Variants in NLGN1 observed in about 807,000 individuals in gnomAD.
The protein encoded by NLGN1 is neuroligin 1.
Under a neutral mutation model 65.5 loss-of-function variants are expected in NLGN1, and 12 were observed. That is an observed-to-expected ratio of 0.18 (90% CI 0.12 to 0.30). The LOEUF is 0.30. Ranked by LOEUF, NLGN1 falls within the 10% of genes least tolerant of loss-of-function variation. NLGN1 has a pLI of 1.00. For missense variants in NLGN1, 750 were observed against 1,007.1 expected, an observed-to-expected ratio of 0.74 and a Z score of 3.46; for synonymous variants, 350 against 359.5, an observed-to-expected ratio of 0.97 and a Z score of 0.30.
At chr3:173,670,617 G>T (rs547250979) in intron 3 of NLGN1, among the ~76,000 whole-genome samples, 2 of 152,156 alleles carry the variant, frequency 1.3e-5, no homozygotes, top group East Asian at 3.9e-4. Context: ...CAGTACTGAA[G>T]GTATACTTTT....
At chr3:173,579,587 T>C (rs1299313049) in intron 2 of NLGN1, among the ~76,000 whole-genome samples, 2 of 152,246 alleles carry the variant, frequency 1.3e-5, no homozygotes, top group Non-Finnish European at 2.9e-5. Context: ...ATATTTAGCA[T>C]CCAGGCAGGT....
intron 4 of NLGN1, among the ~76,000 whole-genome samples, chr3:174,234,892 T>C (rs1219045979): frequency 6.6e-6 from 1 of 151,790 alleles, no homozygotes; most frequent in African/African-American, 2.4e-5. Flanking sequence ...ATCCTCTTTT[T>C]CCAACATTTT....
intron 4 of NLGN1, among the ~76,000 whole-genome samples, chr3:173,901,914 C>T (rs1286569181): frequency 6.6e-6 from 1 of 152,076 alleles, no homozygotes; most frequent in Admixed American, 6.6e-5. Context: ...ACTTCAGACA[C>T]ATTTTGCTTG....
intron 4 of NLGN1, among the ~76,000 whole-genome samples, chr3:174,165,968 G>A (rs1035295006): frequency 1.3e-5 from 2 of 151,900 alleles, no homozygotes; most frequent in African/African-American, 2.4e-5. Flanking sequence ...TGTAGATTTT[G>A]TAGTTTATAT....
At chr3:173,848,764 A>G (rs1327054144) in intron 4 of NLGN1, among the ~76,000 whole-genome samples, 3 of 152,136 alleles carry the variant, frequency 2.0e-5, no homozygotes, top group Non-Finnish European at 4.4e-5. Flanking sequence ...TTTGATGAAT[A>G]TTTTATTCAA....
rs188812270 is a variant in NLGN1 at position 173,435,876 on chromosome 3, C to T, written c.-321+798C>T. Among the ~76,000 whole-genome samples the T allele has an allele frequency of 1.6e-3, 238 of 152,086 alleles. 2 individuals carry two copies. The highest frequency in any genetic ancestry group is 5.3e-3 in the African/African-American group (219 of 41,474). ...AAGAAAACTTTAGTAAAAGTCTATA[C>T]GATGCATTTAGTCAACAAGGAAGGC... On this transcript the variant is annotated intron_variant, in intron 2 of 6. Transcript: ENST00000457714.
intron 3 of NLGN1, among the ~76,000 whole-genome samples, chr3:173,718,933 C>T (rs1312872075): frequency 6.6e-6 from 1 of 152,028 alleles, no homozygotes; most frequent in African/African-American, 2.4e-5. Context: ...AAAATAGTTT[C>T]TTATATTGCT....
intron 4 of NLGN1, among the ~76,000 whole-genome samples, chr3:174,112,744 T>C (rs1273257134): frequency 6.6e-6 from 1 of 152,016 alleles, no homozygotes; most frequent in Non-Finnish European, 1.5e-5. Flanking sequence ...AATAACATCA[T>C]GTTTCTAAAA....
chr3:174,192,295 A>C (rs2152761634), intron 4 of NLGN1, among the ~76,000 whole-genome samples: 1 of 152,280 alleles, frequency 6.6e-6, no homozygotes. Context: ...TAAATTTATT[A>C]TTTGAAAAAT....
At chr3:174,185,675 C>A (rs892697717) in intron 4 of NLGN1, among the ~76,000 whole-genome samples, 2 of 151,550 alleles carry the variant, frequency 1.3e-5, no homozygotes, top group Non-Finnish European at 2.9e-5. Context: ...AAAGATCAGA[C>A]ATATGAAAAA....
intron 4 of NLGN1, among the ~76,000 whole-genome samples, chr3:173,981,468 C>T (rs891601751): frequency 6.6e-6 from 1 of 152,074 alleles, no homozygotes; most frequent in Non-Finnish European, 1.5e-5. Flanking sequence ...GAGGTCATGG[C>T]TCACAGGTAT....
At chr3:173,658,997 A>G (rs1439972793) in intron 3 of NLGN1, among the ~76,000 whole-genome samples, 1 of 152,018 alleles carries the variant, frequency 6.6e-6, no homozygotes, top group African/African-American at 2.4e-5. Flanking sequence ...AGATAAGCAC[A>G]CAATTGTTTT....
chr3:173,758,419 A>G (rs766759398), intron 3 of NLGN1, among the ~76,000 whole-genome samples: 3 of 152,092 alleles, frequency 2.0e-5, no homozygotes, highest in Non-Finnish European at 4.4e-5. Flanking sequence ...AAAATTTCTG[A>G]CCATGTCAAT....
At chr3:173,498,485 A>G (rs1040224699) in intron 2 of NLGN1, among the ~76,000 whole-genome samples, 4 of 151,708 alleles carry the variant, frequency 2.6e-5, no homozygotes, top group South Asian at 4.1e-4. Flanking sequence ...CCAAGTCTTT[A>G]CTATTGTGAA....
chr3:173,784,889 T>A (rs1189849170), intron 3 of NLGN1, among the ~76,000 whole-genome samples: 1 of 152,036 alleles, frequency 6.6e-6, no homozygotes, highest in Non-Finnish European at 1.5e-5. Context: ...TTAGGCAGAG[T>A]ATCATACATA....
intron 1 of NLGN1, among the ~76,000 whole-genome samples, chr3:173,422,461 C>T (rs534696675): frequency 1.4e-4 from 22 of 152,148 alleles, no homozygotes; most frequent in African/African-American, 4.3e-4. Context: ...AATATCACTT[C>T]GATTTGATTT....
chr3:174,152,002 G>T (rs1237247518), intron 4 of NLGN1, among the ~76,000 whole-genome samples: 2 of 152,132 alleles, frequency 1.3e-5, no homozygotes, highest in East Asian at 3.9e-4. Flanking sequence ...AAAGAATACA[G>T]ATACCAAAAC....
At chr3:173,691,600 C>G (rs1247553746) in intron 3 of NLGN1, among the ~76,000 whole-genome samples, 5 of 152,050 alleles carry the variant, frequency 3.3e-5, no homozygotes, top group Non-Finnish European at 5.9e-5. Context: ...AATATCAACT[C>G]AGAGATAACG....
At chr3:173,684,525 T>C (rs565372665) in intron 3 of NLGN1, among the ~76,000 whole-genome samples, 1 of 152,304 alleles carries the variant, frequency 6.6e-6, no homozygotes, top group African/African-American at 2.4e-5. Context: ...TTTCTACATA[T>C]CTGGGCTTTG....
Sources: gnomAD v4.1 joint callset for allele counts (sites outside exome capture counted in the v4.1 genomes callset) on GRCh38, gnomAD v4.1.1 for gene constraint, MANE v1.5 for transcripts, NCBI Gene and HGNC (gene_info 2026-07-23, HGNC 2026-07-21) for gene names.